WBP1L: variants seen among roughly 807,000 people sequenced by gnomAD.
WBP1L encodes WW domain binding protein 1 like, also known as WW domain binding protein 1-like.
WBP1L carries 17 observed loss-of-function variants against 33.7 expected under a neutral mutation model. The observed-to-expected ratio is 0.50, with a 90% CI of 0.34 to 0.76. WBP1L has a LOEUF of 0.76. Among genes scored for constraint, WBP1L ranks in the 30% least tolerant of loss-of-function variants. The pLI, the probability that WBP1L is intolerant of heterozygous loss-of-function variation, is 0.01. For synonymous variants in WBP1L, 173 were observed against 190.8 expected (o/e 0.91, Z 0.77); for missense variants, 389 against 469.4 (o/e 0.83, Z 1.58).
intron 1 of WBP1L, among the ~76,000 whole-genome samples, chr10:102,754,877 TTTTATTTATTTATTTA>T (rs148819787): frequency 6.6e-6 from 1 of 150,682 alleles, no homozygotes; most frequent in African/African-American, 2.4e-5. Flanking sequence ...GCTAATTTTG[TTTTATTTATTTATTTA>T]TTTATTTATT....
chr10:102,758,712 C>T (rs574554928), intron 1 of WBP1L, among the ~76,000 whole-genome samples: 5 of 152,140 alleles, frequency 3.3e-5, no homozygotes, highest in South Asian at 2.1e-4. Flanking sequence ...ATGCAGAGAC[C>T]GGTAGTGGCC....
intron 2 of WBP1L, among the ~76,000 whole-genome samples, chr10:102,799,337 A>AT: frequency 6.6e-6 from 1 of 151,984 alleles, no homozygotes; most frequent in South Asian, 2.1e-4. Flanking sequence ...AAAAAAAAAA[A>AT]GAAAAATGCC....
intron 1 of WBP1L, among the ~76,000 whole-genome samples, chr10:102,754,725 G>A (rs965047735): frequency 1.1e-4 from 16 of 151,728 alleles, no homozygotes; most frequent in East Asian, 7.7e-4. Flanking sequence ...GTTTTTTAGC[G>A]TCAGGGTCTC....
chr10:102,764,146 C>T (rs191212742), intron 1 of WBP1L, among the ~76,000 whole-genome samples: 1 of 152,218 alleles, frequency 6.6e-6, no homozygotes, highest in East Asian at 1.9e-4. Context: ...TGCTGAGCTT[C>T]CTTAAAACCC....
rs186831574 is a variant in WBP1L at position 102,775,670 on chromosome 10, A to G, written c.91-22323A>G. ...GTAGCGTGTCGTACCTTAGCTGGGG[A>G]AAAGGTGCCTCTCCAAGCCCCCGCT... On this transcript the variant is annotated intron_variant, in intron 1 of 3. Transcript: ENST00000448841. Among the ~76,000 whole-genome samples, 754 of 152,222 alleles carry G rather than the reference A, an allele frequency of 5.0e-3. 7 individuals carry two copies. Among genetic ancestry groups the G allele is most frequent in the African/African-American group, 0.017 (725 of 41,536 alleles).
chr10:102,777,563 T>TC (rs1843282596), intron 1 of WBP1L, among the ~76,000 whole-genome samples: 1 of 33,712 alleles, frequency 3.0e-5, no homozygotes, highest in African/African-American at 7.6e-5. Context: ...AGGCTGTCCT[T>TC]TTTTTTTTTT....
intron 1 of WBP1L, chr10:102,776,441 G>A: frequency 6.2e-7 from 1 of 1,614,140 alleles, no homozygotes; most frequent in Non-Finnish European, 8.5e-7. Flanking sequence ...CACGGATCGG[G>A]TTTGGAAGGG....
At position 102,772,257 on chromosome 10, in the gene WBP1L, C is replaced by CTTTTTTT. The variant is rs34766191; in HGVS notation, c.91-25719_91-25713dup. 5.6e-4 allele frequency among the ~76,000 whole-genome samples: 34 copies of CTTTTTTT among 61,036 alleles called. 1 individual carries two copies. The highest frequency in any genetic ancestry group is 6.0e-4 in the Non-Finnish European group (21 of 35,134). The allele number at this position is 61,036 out of a possible 152,430, so 40.0% of individuals were successfully genotyped here. A position where few individuals can be genotyped will look rare whatever the true frequency, so the allele number is the denominator to read the frequency against. On this transcript the variant is annotated intron_variant, in intron 1 of 3. Coordinates refer to ENST00000448841, the MANE Select transcript of WBP1L (RefSeq NM_001083913.2). ...ACAAGCGTAAGCCACTGCGCCCGGC[C>CTTTTTTT]TTTTTTTTTTTTTTTTTTTTTTTGA...
intron 1 of WBP1L, among the ~76,000 whole-genome samples, chr10:102,749,939 G>A (rs777860136): frequency 7.3e-5 from 11 of 151,594 alleles, no homozygotes; most frequent in Non-Finnish European, 1.6e-4. Flanking sequence ...ACCATGCCTG[G>A]GTAATTTTTT....
At chr10:102,746,613 G>GTT in intron 1 of WBP1L, among the ~76,000 whole-genome samples, 2 of 151,752 alleles carry the variant, frequency 1.3e-5, no homozygotes, top group Middle Eastern at 6.8e-3. Context: ...TTTTTTTGGG[G>GTT]GGGGTGGGGG....
intron 1 of WBP1L, among the ~76,000 whole-genome samples, chr10:102,789,659 A>T (rs1484790129): frequency 1.3e-5 from 2 of 151,800 alleles, no homozygotes; most frequent in Non-Finnish European, 2.9e-5. Context: ...CAACTGGAAC[A>T]TATTTAAAAA....
chr10:102,792,130 T>C (rs1370103052), intron 1 of WBP1L, among the ~76,000 whole-genome samples: 1 of 152,234 alleles, frequency 6.6e-6, no homozygotes, highest in East Asian at 1.9e-4. Context: ...TTGGTGTTGG[T>C]CTTGCTTGTC....
intron 2 of WBP1L, among the ~76,000 whole-genome samples, chr10:102,804,886 A>G (rs917813653): frequency 1.3e-5 from 2 of 152,242 alleles, no homozygotes; most frequent in South Asian, 2.1e-4. Context: ...GCCTACCCAC[A>G]TGCCTAGAAG....
At chr10:102,798,780 C>T (rs1472898920) in intron 2 of WBP1L, among the ~76,000 whole-genome samples, 1 of 152,198 alleles carries the variant, frequency 6.6e-6, no homozygotes, top group Non-Finnish European at 1.5e-5. Flanking sequence ...TGCCAGGCCA[C>T]TCTAGATGGT....
chr10:102,747,018 C>T (rs1287091040), intron 1 of WBP1L, among the ~76,000 whole-genome samples: 1 of 152,170 alleles, frequency 6.6e-6, no homozygotes, highest in Non-Finnish European at 1.5e-5. Context: ...AGACTTAACT[C>T]TCCTACAGGT....
At chr10:102,803,271 C>T (rs1843683462) in intron 2 of WBP1L, among the ~76,000 whole-genome samples, 1 of 152,174 alleles carries the variant, frequency 6.6e-6, no homozygotes, top group Non-Finnish European at 1.5e-5. Context: ...CAGTCACCCA[C>T]CGTCCTGCAG....
At chr10:102,770,696 A>T (rs1843176042) in intron 1 of WBP1L, among the ~76,000 whole-genome samples, 1 of 152,208 alleles carries the variant, frequency 6.6e-6, no homozygotes, top group African/African-American at 2.4e-5. Flanking sequence ...AAAGTGGGTC[A>T]GAAGGACCCT....
intron 3 of WBP1L, among the ~76,000 whole-genome samples, chr10:102,812,324 C>T (rs284862): frequency 0.5 from 76,088 of 151,996 alleles, 19,820 homozygotes; most frequent in Middle Eastern, 0.59. Flanking sequence ...TCTGCCTTAA[C>T]TCCCAACAGG....
At chr10:102,746,046 T>G in intron 1 of WBP1L, 1 of 632,208 alleles carries the variant, frequency 1.6e-6, no homozygotes, top group Non-Finnish European at 2.0e-6. Context: ...ATAACATCGG[T>G]AGAGGTTTGG....
Sources: allele counts gnomAD v4.1 joint callset (sites outside exome capture counted in the v4.1 genomes callset), GRCh38; gene constraint gnomAD v4.1.1; transcripts MANE v1.5; gene names NCBI Gene and HGNC (gene_info 2026-07-23, HGNC 2026-07-21).